The following SLIT2 variants were observed in gnomAD, a reference collection of about 807,000 sequenced individuals.
SLIT2 encodes the protein slit guidance ligand 2, also known as slit homolog 2 protein.
In SLIT2, 41 loss-of-function variants were observed where a neutral mutation model predicts 185.7. The ratio of observed to expected loss-of-function variants is 0.22; its 90% CI spans 0.17 to 0.29. The LOEUF is 0.29. Among genes scored for constraint, SLIT2 ranks in the 10% least tolerant of loss-of-function variants. The pLI, the probability that SLIT2 is intolerant of heterozygous loss-of-function variation, is 1.00. For missense variants in SLIT2, 1,571 were observed against 1,909.0 expected (o/e 0.82, Z 3.30); for synonymous variants, 693 against 680.2 (o/e 1.02, Z -0.29).
intron 4 of SLIT2, among the ~76,000 whole-genome samples, chr4:20,310,044 A>G (rs12508158): frequency 0.24 from 36,216 of 151,986 alleles, 5,235 homozygotes; most frequent in East Asian, 0.6. Flanking sequence ...TACAGGCGTG[A>G]GCCACCGCGT....
At chr4:20,364,716 T>TAAC (rs80080447) in intron 4 of SLIT2, among the ~76,000 whole-genome samples, 66,856 of 151,724 alleles carry the variant, frequency 0.44, 14,965 homozygotes, top group Non-Finnish European at 0.48. Flanking sequence ...AGTGATCTAA[T>TAAC]TACTATAATT....
intron 4 of SLIT2, among the ~76,000 whole-genome samples, chr4:20,342,717 CTTTTTTTTT>C (rs11373611): frequency 6.0e-4 from 42 of 69,680 alleles, no homozygotes; most frequent in Admixed American, 3.9e-3. Flanking sequence ...GACTATCGCA[CTTTTTTTTT>C]TTTTTTTTTT....
intron 5 of SLIT2, among the ~76,000 whole-genome samples, chr4:20,472,383 T>TG (rs1715338923): frequency 2.7e-5 from 1 of 36,994 alleles, no homozygotes; most frequent in African/African-American, 1.3e-4. Flanking sequence ...TATCTATATA[T>TG]ATGTAGATAT....
At chr4:20,515,982 AT>A (rs1252386340) in intron 11 of SLIT2, among the ~76,000 whole-genome samples, 2 of 152,108 alleles carry the variant, frequency 1.3e-5, no homozygotes, top group African/African-American at 2.4e-5. Context: ...CACTCGGCTA[AT>A]TTTTTGTATT....
chr4:20,539,384 G>T, intron 18 of SLIT2, 57 bp from the exon 19 acceptor site: 1 of 1,459,860 alleles, frequency 6.8e-7, no homozygotes, highest in Non-Finnish European at 9.1e-7. Context: ...CCTCAGATAG[G>T]CAAAATTGAT....
At chr4:20,502,422 T>G (rs1718825757) in intron 9 of SLIT2, among the ~76,000 whole-genome samples, 1 of 152,142 alleles carries the variant, frequency 6.6e-6, no homozygotes, top group South Asian at 2.1e-4. Flanking sequence ...GCATCAGGCA[T>G]TATGGATGAA....
In SLIT2 at chr4:20,492,024, C is replaced by T. The variant is rs1454076320; in HGVS notation, c.914+125C>T. Reference sequence around the variant, plus strand: ...AATTGGCTTAGACAAATGTTCTCTTCAGAAATGTATTGATTCTTACTCTGA... The same window carrying T: ...AATTGGCTTAGACAAATGTTCTCTTTAGAAATGTATTGATTCTTACTCTGA... On this transcript the variant is annotated intron_variant, in intron 9 of 36. Coordinates refer to ENST00000504154, the MANE Select transcript of SLIT2 (RefSeq NM_004787.4). The T allele has an allele frequency of 4.7e-6, 4 of 845,048 alleles. No homozygotes were observed. In the Admixed American group the frequency reaches 8.0e-5, roughly 17 times the overall value. 52.3% of individuals were successfully genotyped at this position (845,048 alleles called of 1,614,324 possible).
At chr4:20,488,759 ATATT>A in intron 7 of SLIT2, 56 bp from the exon 8 acceptor site, 1 of 1,229,994 alleles carries the variant, frequency 8.1e-7, no homozygotes, top group Non-Finnish European at 1.2e-6. Context: ...ATACAGGTAT[ATATT>A]AATGAAATAA....
chr4:20,385,852 T>G (rs1724891936), intron 4 of SLIT2, among the ~76,000 whole-genome samples: 1 of 152,188 alleles, frequency 6.6e-6, no homozygotes, highest in Non-Finnish European at 1.5e-5. Flanking sequence ...TACAGTTTCT[T>G]TATTTCATGT....
intron 21 of SLIT2, 41 bp from the exon 22 acceptor site, chr4:20,545,990 C>T: frequency 8.8e-7 from 1 of 1,139,450 alleles, no homozygotes. Context: ...TCAAGGCCAC[C>T]ATTACTTTGT....
chr4:20,598,959 GA>G (rs1473757453), intron 33 of SLIT2, among the ~76,000 whole-genome samples: 2 of 152,114 alleles, frequency 1.3e-5, no homozygotes, highest in Non-Finnish European at 2.9e-5. Context: ...GCTGGGTAAA[GA>G]AAGTTGGAAG....
intron 4 of SLIT2, among the ~76,000 whole-genome samples, chr4:20,440,048 G>A (rs933708448): frequency 6.6e-6 from 1 of 152,106 alleles, no homozygotes; most frequent in African/African-American, 2.4e-5. Context: ...AATTTCAGTG[G>A]GGTTGCCAGA....
chr4:20,307,102 T>G, intron 4 of SLIT2, among the ~76,000 whole-genome samples: 1 of 108,046 alleles, frequency 9.3e-6, no homozygotes, highest in East Asian at 3.6e-4. Flanking sequence ...CTCTATTTCT[T>G]TCCCTCCCTC....
chr4:20,540,289 A>AG (rs1446875736), intron 19 of SLIT2, among the ~76,000 whole-genome samples: 1 of 151,728 alleles, frequency 6.6e-6, no homozygotes, highest in Non-Finnish European at 1.5e-5. Context: ...CTCCATCTCA[A>AG]GGAAAAAAAA....
chr4:20,354,648 C>T (rs1017219904), intron 4 of SLIT2, among the ~76,000 whole-genome samples: 51 of 152,084 alleles, frequency 3.4e-4, no homozygotes, highest in African/African-American at 1.2e-3. Context: ...TATATTTTTG[C>T]ATGAATGAGC....
At chr4:20,362,931 T>TG (rs1244155431) in intron 4 of SLIT2, among the ~76,000 whole-genome samples, 4 of 142,706 alleles carry the variant, frequency 2.8e-5, no homozygotes, top group Admixed American at 7.2e-5. Flanking sequence ...ATGAAATTTT[T>TG]TTTTTTAAAA....
At chr4:20,503,195 T>C (rs1402772557) in intron 9 of SLIT2, among the ~76,000 whole-genome samples, 2 of 152,218 alleles carry the variant, frequency 1.3e-5, no homozygotes, top group Non-Finnish European at 2.9e-5. Context: ...ATGTAGTTCA[T>C]ATTTTACTAG....
At chr4:20,525,256 C>A in intron 15 of SLIT2, 84 bp downstream of exon 15, 1 of 988,832 alleles carries the variant, frequency 1.0e-6, no homozygotes, top group Non-Finnish European at 1.6e-6. Context: ...GATATGCATG[C>A]TTCTGAAAGT....
intron 29 of SLIT2, among the ~76,000 whole-genome samples, chr4:20,587,621 C>T (rs1298350347): frequency 6.6e-6 from 1 of 152,128 alleles, no homozygotes; most frequent in African/African-American, 2.4e-5. Context: ...AGACAAGGGT[C>T]AACTCTCAGT....
Sources: allele counts gnomAD v4.1 joint callset (sites outside exome capture counted in the v4.1 genomes callset), GRCh38; gene constraint gnomAD v4.1.1; transcripts MANE v1.5; gene names NCBI Gene and HGNC (gene_info 2026-07-23, HGNC 2026-07-21).